GRAMD2B: variants seen among roughly 807,000 people sequenced by gnomAD.
The protein encoded by GRAMD2B is GRAM domain-containing protein 2B.
Under a neutral mutation model 59.2 loss-of-function variants are expected in GRAMD2B, and 41 were observed. The observed-to-expected ratio is 0.69, with a 90% confidence interval of 0.54 to 0.90. The LOEUF is 0.90. GRAMD2B is among the 40% of genes least tolerant of loss of function. The probability of loss-of-function intolerance (pLI) is 0.00; values close to 1 mark genes in which losing one functional copy is unlikely to be tolerated. For synonymous variants in GRAMD2B, 161 were observed against 182.7 expected (o/e 0.88, Z 0.96); for missense variants, 424 against 500.5 (o/e 0.85, Z 1.46).
chr5:126,470,855 C>G (rs1769429267), intron 3 of GRAMD2B, among the ~76,000 whole-genome samples: 1 of 152,196 alleles, frequency 6.6e-6, no homozygotes, highest in Non-Finnish European at 1.5e-5. Flanking sequence ...CCACCGCACT[C>G]AGCCTGCTAT....
At chr5:126,473,022 C>T (rs1235613372) in intron 4 of GRAMD2B, among the ~76,000 whole-genome samples, 2 of 152,188 alleles carry the variant, frequency 1.3e-5, no homozygotes, top group Non-Finnish European at 2.9e-5. Flanking sequence ...CTTGGTCTCT[C>T]AGGTACAATG....
chr5:126,413,575 T>C (rs1043085787), intron 1 of GRAMD2B, among the ~76,000 whole-genome samples: 1 of 152,076 alleles, frequency 6.6e-6, no homozygotes, highest in East Asian at 1.9e-4. Flanking sequence ...ATATATTCTG[T>C]GGTAGATGGG....
chr5:126,382,456 T>A (rs144674347), intron 1 of GRAMD2B, among the ~76,000 whole-genome samples: 3 of 152,326 alleles, frequency 2.0e-5, no homozygotes, highest in East Asian at 3.9e-4. Flanking sequence ...TCTGAAGCTC[T>A]TTCTTCTACT....
chr5:126,374,499 C>T (rs1205441916), intron 1 of GRAMD2B, among the ~76,000 whole-genome samples: 1 of 152,182 alleles, frequency 6.6e-6, no homozygotes, highest in Non-Finnish European at 1.5e-5. Flanking sequence ...TTTATTCCAA[C>T]ATATGACTTG....
chr5:126,419,005 A>G (rs565218899), upstream of GRAMD2B, among the ~76,000 whole-genome samples: 149 of 152,338 alleles, frequency 9.8e-4, no homozygotes, highest in African/African-American at 3.6e-3. Context: ...ACCTATCATC[A>G]GACAATATGC....
intron 3 of GRAMD2B, 63 bp from the exon 4 acceptor site, chr5:126,472,175 T>G (rs1769715828): frequency 2.3e-6 from 3 of 1,321,398 alleles, no homozygotes; most frequent in Non-Finnish European, 3.3e-6. Context: ...TTGTTGAAGT[T>G]GAATTTGTGA....
intron 2 of GRAMD2B, chr5:126,466,429 CCT>C: frequency 1.4e-6 from 1 of 699,642 alleles, no homozygotes; most frequent in East Asian, 2.7e-5. Flanking sequence ...TGGCATCTCA[CCT>C]TTTTTTTTTT....
At chr5:126,380,915 T>C (rs1755604333) in intron 1 of GRAMD2B, among the ~76,000 whole-genome samples, 1 of 152,204 alleles carries the variant, frequency 6.6e-6, no homozygotes, top group Non-Finnish European at 1.5e-5. Context: ...CTGATTGCTC[T>C]GGCTGGGACT....
At chr5:126,485,638 A>C in intron 10 of GRAMD2B, 48 bp from the exon 11 acceptor site, 1 of 1,157,504 alleles carries the variant, frequency 8.6e-7, no homozygotes, top group Non-Finnish European at 1.3e-6. Flanking sequence ...TGGATAAAAG[A>C]AGTGTGTTAT....
intron 1 of GRAMD2B, chr5:126,458,898 A>G (rs904799670): frequency 9.2e-5 from 14 of 152,188 alleles, no homozygotes; most frequent in African/African-American, 2.9e-4. Context: ...GTTGATGCCT[A>G]TATTCAAGAT....
At chr5:126,362,053 C>A (rs1373639981) in intron 1 of GRAMD2B, among the ~76,000 whole-genome samples, 1 of 152,198 alleles carries the variant, frequency 6.6e-6, no homozygotes, top group Non-Finnish European at 1.5e-5. Context: ...AGTTTGTTAC[C>A]CAGTTGGGTC....
intron 1 of GRAMD2B, among the ~76,000 whole-genome samples, chr5:126,460,894 A>G (rs2126749568): frequency 6.6e-6 from 1 of 152,370 alleles, no homozygotes; most frequent in Non-Finnish European, 1.5e-5. Flanking sequence ...AGACACTTCT[A>G]AACCTTTGTT....
intron 1 of GRAMD2B, among the ~76,000 whole-genome samples, chr5:126,360,734 C>T (rs1042049432): frequency 1.3e-5 from 2 of 152,128 alleles, no homozygotes; most frequent in South Asian, 4.1e-4. Flanking sequence ...TTTGTCATGT[C>T]ACTCAAGCTG....
At chr5:126,461,012 T>C (rs2126750474) in intron 1 of GRAMD2B, among the ~76,000 whole-genome samples, 1 of 152,334 alleles carries the variant, frequency 6.6e-6, no homozygotes, top group South Asian at 2.1e-4. Flanking sequence ...ATTTTTTTTA[T>C]GCCTTTAGCT....
chr5:126,372,223 C>A (rs535967438), intron 1 of GRAMD2B, among the ~76,000 whole-genome samples: 17 of 152,176 alleles, frequency 1.1e-4, no homozygotes, highest in African/African-American at 4.1e-4. Flanking sequence ...TTATATTTAT[C>A]TAGCAATTTA....
intron 1 of GRAMD2B, among the ~76,000 whole-genome samples, chr5:126,454,075 C>A (rs1765838344): frequency 6.6e-6 from 1 of 151,906 alleles, no homozygotes; most frequent in South Asian, 2.1e-4. Flanking sequence ...GAGCAGAGAA[C>A]TGAGAATCAA....
At chr5:126,490,668 T>C (rs1773764025) in intron 13 of GRAMD2B, among the ~76,000 whole-genome samples, 1 of 152,224 alleles carries the variant, frequency 6.6e-6, no homozygotes, top group Non-Finnish European at 1.5e-5. Context: ...ATCTGCACCT[T>C]TCCTCAGAGG....
intron 1 of GRAMD2B, among the ~76,000 whole-genome samples, chr5:126,404,365 A>T (rs1758089084): frequency 6.6e-6 from 1 of 151,900 alleles, no homozygotes; most frequent in Non-Finnish European, 1.5e-5. Flanking sequence ...ACATATTAGG[A>T]TTACTTGTTA....
At chr5:126,456,336 G>A (rs1328055823) in intron 1 of GRAMD2B, among the ~76,000 whole-genome samples, 1 of 151,762 alleles carries the variant, frequency 6.6e-6, no homozygotes, top group Non-Finnish European at 1.5e-5. Context: ...TCAGCATCCT[G>A]AGCAGCTGGA....
Sources: allele counts gnomAD v4.1 joint callset (sites outside exome capture counted in the v4.1 genomes callset), GRCh38; gene constraint gnomAD v4.1.1; transcripts MANE v1.5; gene names NCBI Gene and HGNC (gene_info 2026-07-23, HGNC 2026-07-21).